Variants in PHIP observed in about 807,000 individuals in gnomAD.
PHIP encodes the protein PH-interacting protein.
Under a neutral mutation model 236.8 loss-of-function variants are expected in PHIP, and 54 were observed. That is an observed-to-expected ratio of 0.23 (90% CI 0.18 to 0.29). The LOEUF (loss-of-function observed/expected upper bound fraction) is 0.29, where lower values mean the gene tolerates loss of function less well. PHIP is among the 10% of genes least tolerant of loss of function. The pLI is 1.00. For synonymous variants in PHIP, 756 were observed against 718.9 expected, an observed-to-expected ratio of 1.05 and a Z score of -0.83; for missense variants, 1,370 against 2,190.8, an observed-to-expected ratio of 0.63 and a Z score of 7.48.
At chr6:78,978,555 G>A in intron 24 of PHIP, 37 bp downstream of exon 24, 1 of 1,526,894 alleles carries the variant, frequency 6.5e-7, no homozygotes, top group Non-Finnish European at 8.9e-7. Flanking sequence ...TTAAAACTAT[G>A]TGAGGAAAAA....
At position 78,986,986 on chromosome 6, in the gene PHIP, C is replaced by T. The variant is rs552917078; in HGVS notation, c.2460+1223G>A. On this transcript the variant is annotated intron_variant, in intron 21 of 39. Transcript: ENST00000275034. ...ATTCCAAATACAAAATACTAAAGTA[C>T]AAAACATCTGAACCAAAAAAATCAG... Among the ~76,000 whole-genome samples, 8 of 152,064 alleles carry T rather than the reference C, an allele frequency of 5.3e-5. No individual in the cohort carries two copies. In the East Asian group the frequency reaches 1.5e-3, roughly 29 times the overall value.
intron 24 of PHIP, among the ~76,000 whole-genome samples, chr6:78,974,989 T>C (rs940802672): frequency 6.0e-5 from 9 of 151,254 alleles, no homozygotes; most frequent in Admixed American, 2.6e-4. Context: ...TTCCAATCAA[T>C]AGAAAAAGAG....
At chr6:79,009,012 T>G (rs1470459862) in intron 15 of PHIP, among the ~76,000 whole-genome samples, 2 of 151,972 alleles carry the variant, frequency 1.3e-5, no homozygotes, top group Non-Finnish European at 2.9e-5. Context: ...CTTTACAAAT[T>G]TCCTACCAAC....
chr6:78,999,015 G>T (rs1368462971), intron 17 of PHIP, among the ~76,000 whole-genome samples: 1 of 152,078 alleles, frequency 6.6e-6, no homozygotes, highest in Non-Finnish European at 1.5e-5. Context: ...TAAAGAAGGT[G>T]ATGGTGGGTC....
chr6:78,958,689 A>T, intron 31 of PHIP, 89 bp from the exon 32 acceptor site: 1 of 802,468 alleles, frequency 1.2e-6, no homozygotes, highest in Non-Finnish European at 2.1e-6. Flanking sequence ...CAACTTTTCA[A>T]CTTCAGTCTA....
rs142307575 is a variant in PHIP at position 78,951,464 on chromosome 6, G to A, written c.4053+3350C>T. On this transcript the variant is annotated intron_variant, in intron 35 of 39. Coordinates refer to ENST00000275034, the MANE Select transcript of PHIP (RefSeq NM_017934.7). Reference sequence around the variant, plus strand: ...TCATATAAAAGATGAAATATGAAGTGCATGATCTGCCTTAAATATTCCACT... The same window carrying A: ...TCATATAAAAGATGAAATATGAAGTACATGATCTGCCTTAAATATTCCACT... 1.1e-3 allele frequency among the ~76,000 whole-genome samples: 166 copies of A among 152,246 alleles called. No individual in the cohort carries two copies. In the East Asian group the frequency reaches 0.015, roughly 13 times the overall value.
chr6:78,961,626 T>A (rs1766787387), intron 31 of PHIP, 64 bp downstream of exon 31: 1 of 1,540,418 alleles, frequency 6.5e-7, no homozygotes, highest in Non-Finnish European at 8.9e-7. Flanking sequence ...CTGCTAAAGA[T>A]CAGTAAATGG....
intron 6 of PHIP, among the ~76,000 whole-genome samples, chr6:79,045,537 T>G (rs985298091): frequency 1.3e-5 from 2 of 152,092 alleles, no homozygotes; most frequent in African/African-American, 4.8e-5. Flanking sequence ...AAAAAGTATA[T>G]AAGTAAATCT....
chr6:79,041,213 T>C (rs779834734), intron 7 of PHIP, among the ~76,000 whole-genome samples: 35 of 152,214 alleles, frequency 2.3e-4, no homozygotes, highest in Admixed American at 1.2e-3. Context: ...TAAAATTGCA[T>C]TTATAAGAAC....
At chr6:79,007,105 G>C (rs1770328536) in intron 15 of PHIP, among the ~76,000 whole-genome samples, 1 of 151,988 alleles carries the variant, frequency 6.6e-6, no homozygotes, top group South Asian at 2.1e-4. Flanking sequence ...GTATAAACTT[G>C]TTAGGCATTT....
chr6:79,072,080 A>G (rs569691218), intron 4 of PHIP, among the ~76,000 whole-genome samples: 1 of 152,346 alleles, frequency 6.6e-6, no homozygotes, highest in South Asian at 2.1e-4. Context: ...ATATAAACAG[A>G]TTGACAAAAC....
At chr6:78,985,327 G>T (rs540206504) in intron 22 of PHIP, 25 bp downstream of exon 22, 1 of 1,285,474 alleles carries the variant, frequency 7.8e-7, no homozygotes, top group Non-Finnish European at 1.1e-6. Context: ...TATAACATTT[G>T]GAAAAATAAA....
At chr6:78,994,995 C>T (rs1339464238) in intron 19 of PHIP, among the ~76,000 whole-genome samples, 1 of 152,196 alleles carries the variant, frequency 6.6e-6, no homozygotes, top group African/African-American at 2.4e-5. Flanking sequence ...ATCATGTGAG[C>T]TGCTTTACTG....
Position 79,016,551 on chromosome 6 carries a change from G to A in PHIP, c.1228C>T (p.Pro410Ser). ...TCAAATTTGACCTCTTACCCTGCTG[G>A]ACGAGTAGCCATATCCAACAAAATG... ...KSILLDMATR[P>S]AGQNLQGIED... is the part of the protein sequence containing the mutation. Residue 410 changes from proline (P) to serine (S), a missense_variant, in exon 13 of 40, where the codon CCA (proline) becomes TCA (serine). This residue lies in a region of PHIP where 188 missense variants were observed against 354.3 expected (regional missense o/e 0.53). Coordinates refer to ENST00000275034, the MANE Select transcript of PHIP (RefSeq NM_017934.7). The A allele has an allele frequency of 1.2e-6, 2 of 1,602,052 alleles. No homozygotes were observed. The highest frequency in any genetic ancestry group is 1.7e-6 in the Non-Finnish European group (2 of 1,169,962).
At chr6:79,047,162 GC>G (rs952817957) in intron 6 of PHIP, among the ~76,000 whole-genome samples, 3 of 152,248 alleles carry the variant, frequency 2.0e-5, no homozygotes, top group African/African-American at 7.2e-5. Context: ...ATTCAGAACA[GC>G]CTTTGAAATA....
intron 9 of PHIP, among the ~76,000 whole-genome samples, chr6:79,020,252 A>C (rs1771048074): frequency 6.6e-6 from 1 of 152,164 alleles, no homozygotes; most frequent in Non-Finnish European, 1.5e-5. Flanking sequence ...CTGAGCAAAG[A>C]GAATTATCTT....
At chr6:78,948,823 G>A (rs1047852888) in intron 35 of PHIP, among the ~76,000 whole-genome samples, 3 of 152,034 alleles carry the variant, frequency 2.0e-5, no homozygotes, top group Non-Finnish European at 4.4e-5. Flanking sequence ...CTCAGTATGC[G>A]ACTATATTTT....
chr6:79,069,396 C>T (rs1773782070), intron 4 of PHIP, among the ~76,000 whole-genome samples: 1 of 151,846 alleles, frequency 6.6e-6, no homozygotes, highest in African/African-American at 2.4e-5. Flanking sequence ...GTAATAGCTT[C>T]TCCACAGAAA....
chr6:78,983,566 T>G (rs1432578905), intron 22 of PHIP, among the ~76,000 whole-genome samples: 1 of 151,948 alleles, frequency 6.6e-6, no homozygotes, highest in Non-Finnish European at 1.5e-5. Context: ...AGGTGGGAGT[T>G]CCAGACAGGG....
Sources: allele counts gnomAD v4.1 joint callset (sites outside exome capture counted in the v4.1 genomes callset), GRCh38; gene constraint gnomAD v4.1.1; regional missense constraint gnomAD v4.1.1; transcripts MANE v1.5; gene names NCBI Gene and HGNC (gene_info 2026-07-23, HGNC 2026-07-21).